Variants in LIMCH1 observed in about 807,000 individuals in gnomAD.
LIMCH1 encodes the protein LIM and calponin homology domains-containing protein 1.
In LIMCH1, 113 loss-of-function variants were observed where a neutral mutation model predicts 176.5. The ratio of observed to expected loss-of-function variants is 0.64; its 90% CI spans 0.55 to 0.75. LIMCH1 has a LOEUF of 0.75. LIMCH1 is among the 30% of genes least tolerant of loss of function. The probability of loss-of-function intolerance (pLI) is 0.00; values close to 1 mark genes in which losing one functional copy is unlikely to be tolerated. For synonymous variants in LIMCH1, 619 were observed against 645.9 expected, an observed-to-expected ratio of 0.96 and a Z score of 0.63; for missense variants, 1,674 against 1,814.9, an observed-to-expected ratio of 0.92 and a Z score of 1.41.
intron 31 of LIMCH1, chr4:41,693,201 A>T (rs889879964): frequency 4.6e-5 from 7 of 152,236 alleles, no homozygotes; most frequent in African/African-American, 1.7e-4. Context: ...TTCATCAGTC[A>T]GAAACTCTTT....
At chr4:41,418,537 C>T (rs941305303) in intron 1 of LIMCH1, among the ~76,000 whole-genome samples, 13 of 152,320 alleles carry the variant, frequency 8.5e-5, no homozygotes, top group African/African-American at 2.4e-4. Flanking sequence ...AGAGCTGTGC[C>T]GAGAGAAGCA....
intron 1 of LIMCH1, among the ~76,000 whole-genome samples, chr4:41,570,639 A>T (rs73146355): frequency 0.059 from 8,956 of 152,264 alleles, 854 homozygotes; most frequent in African/African-American, 0.2. Context: ...TGCTCCGAAC[A>T]TTTTGTGGCA....
At chr4:41,651,112 T>C (rs1433134570) in intron 18 of LIMCH1, among the ~76,000 whole-genome samples, 1 of 151,938 alleles carries the variant, frequency 6.6e-6, no homozygotes. Flanking sequence ...CTTCAAGCAA[T>C]TCTCCTGCCT....
At chr4:41,432,065 C>A (rs963988740) in intron 1 of LIMCH1, among the ~76,000 whole-genome samples, 5 of 152,116 alleles carry the variant, frequency 3.3e-5, no homozygotes. Context: ...AATAATTTGT[C>A]CAAGGCAGTA....
At chr4:41,690,607 G>C (rs1257007209) in intron 30 of LIMCH1, among the ~76,000 whole-genome samples, 5 of 151,948 alleles carry the variant, frequency 3.3e-5, no homozygotes, top group Non-Finnish European at 7.4e-5. Flanking sequence ...TTTATTTCTT[G>C]TTGGTAGTTT....
At chr4:41,682,674 T>C (rs1230520606) in intron 26 of LIMCH1, among the ~76,000 whole-genome samples, 1 of 137,278 alleles carries the variant, frequency 7.3e-6, no homozygotes. Context: ...TTTTTCTTCT[T>C]CTTCTTTTTT....
In LIMCH1 at chr4:41,633,643, G is replaced by A. The variant is rs770608444; in HGVS notation, c.1925G>A (p.Gly642Asp). ...APAWSGSGLKGQRKLDDSRKD... is the reference protein window; with the variant it reads ...APAWSGSGLKDQRKLDDSRKD... ...GCCTGGAGTGGCAGTGGACTGAAAGGCCAGCGAAAGTTGGATGATTCACGA... is the reference window on the plus strand; with the variant it reads ...GCCTGGAGTGGCAGTGGACTGAAAGACCAGCGAAAGTTGGATGATTCACGA... Residue 642 changes from glycine (G) to aspartate (D), a missense_variant, in exon 13 of 32, where the codon GGC becomes GAC. Transcript: ENST00000503057. 4.1e-5 allele frequency: 63 copies of A among 1,536,054 alleles called. 1 individual carries two copies. The South Asian group carries it at 6.9e-4, about 17-fold the overall frequency.
chr4:41,597,731 C>G (rs1444982072), intron 1 of LIMCH1, among the ~76,000 whole-genome samples: 2 of 152,102 alleles, frequency 1.3e-5, no homozygotes, highest in African/African-American at 2.4e-5. Context: ...TAGGTCAGGC[C>G]CAATCAGATA....
intron 1 of LIMCH1, among the ~76,000 whole-genome samples, chr4:41,596,520 GT>G (rs2088849614): frequency 6.6e-6 from 1 of 152,154 alleles, no homozygotes; most frequent in Admixed American, 6.5e-5. Context: ...CAAAATAAGT[GT>G]TTTGGAAAGA....
Position 41,620,524 on chromosome 4 carries a change from G to A in LIMCH1, c.559G>A (p.Gly187Arg), listed in dbSNP as rs2092485118. 2.0e-6 allele frequency: 3 copies of A among 1,536,438 alleles called. No individual in the cohort carries two copies. The highest frequency in any genetic ancestry group is 1.2e-5 in the South Asian group (1 of 84,058). Residue 187 changes from glycine (G) to arginine (R), a missense_variant, in exon 7 of 32, where the codon GGG becomes AGG. Transcript: ENST00000503057. ...TCCTGGTTGGAAGCCTTCCGATGGT[G>A]GGTGTGAATTACCTGACGGCAGTGG... Reference protein sequence around the residue: ...MNPGWKPSDGGCELPDGSGKE... With the variant: ...MNPGWKPSDGRCELPDGSGKE...
intron 3 of LIMCH1, among the ~76,000 whole-genome samples, chr4:41,532,593 A>G (rs185939665): frequency 2.0e-5 from 3 of 152,350 alleles, no homozygotes; most frequent in Admixed American, 2.0e-4. Flanking sequence ...GGCAAGAGCC[A>G]TTCTCCACTG....
chr4:41,563,585 T>C (rs1226710823), intron 1 of LIMCH1, among the ~76,000 whole-genome samples: 2 of 152,186 alleles, frequency 1.3e-5, no homozygotes, highest in Non-Finnish European at 2.9e-5. Flanking sequence ...TTGTCCTGAA[T>C]TTGTAGTTTA....
intron 1 of LIMCH1, among the ~76,000 whole-genome samples, chr4:41,487,111 G>A (rs1397541359): frequency 1.3e-5 from 2 of 151,782 alleles, no homozygotes; most frequent in African/African-American, 2.4e-5. Context: ...CACCCGCCTC[G>A]GACTCCCAAA....
At position 41,598,913 on chromosome 4, in the gene LIMCH1, CT is replaced by C; in HGVS notation, c.-240-5del. The C allele has an allele frequency of 6.4e-7, 1 of 1,552,086 alleles. No individual in the cohort carries two copies. The highest frequency in any genetic ancestry group is 8.9e-7 in the Non-Finnish European group (1 of 1,129,432). On this transcript the variant is annotated splice_polypyrimidine_tract_variant and splice_region_variant and intron_variant, in intron 1 of 31. Transcript: ENST00000503057. ...ATATAGACTTATATTTCTTTTTTTC[CT>C]TCTAGGACAATATTATCTTATTCTT...
At chr4:41,578,205 C>T (rs1027778692) in intron 1 of LIMCH1, among the ~76,000 whole-genome samples, 1 of 152,020 alleles carries the variant, frequency 6.6e-6, no homozygotes, top group South Asian at 2.1e-4. Flanking sequence ...ACAATCATGG[C>T]GTAGAATGAA....
chr4:41,638,995 C>T (rs1476110684), intron 14 of LIMCH1, 28 bp downstream of exon 14: 1 of 1,538,920 alleles, frequency 6.5e-7, no homozygotes, highest in South Asian at 1.2e-5. Flanking sequence ...TGTAGGATTA[C>T]ATTAATTACT....
rs1024813387 is a variant in LIMCH1 at position 41,699,508 on chromosome 4, T to C, written c.*2323T>C. On this transcript the variant is annotated 3_prime_UTR_variant, in exon 32 of 32. Transcript: ENST00000503057. ...CAGCTTAGGCAGACTAGATCTTGTT[T>C]TTTCCAATGCAGCATAATGAGTATG... 14 of 152,170 alleles carry C rather than the reference T, an allele frequency of 9.2e-5. No individual in the cohort carries two copies. The highest frequency in any genetic ancestry group is 2.0e-4 in the Admixed American group (3 of 15,274). 9.4% of individuals were successfully genotyped at this position (152,170 alleles called of 1,614,324 possible). A position where few individuals can be genotyped will look rare whatever the true frequency, so the allele number is the denominator to read the frequency against.
At chr4:41,553,315 T>C (rs1221506049) in intron 1 of LIMCH1, among the ~76,000 whole-genome samples, 1 of 152,218 alleles carries the variant, frequency 6.6e-6, no homozygotes, top group African/African-American at 2.4e-5. Context: ...AAGATGGATA[T>C]ATTCACAAAG....
At chr4:41,680,120 A>G in intron 24 of LIMCH1, 22 bp downstream of exon 24, 10 of 1,523,026 alleles carry the variant, frequency 6.6e-6, no homozygotes, top group Non-Finnish European at 9.0e-6. Flanking sequence ...CCAAGAAGGA[A>G]TTTGACCTTG....
Sources: gnomAD v4.1 joint callset for allele counts (sites outside exome capture counted in the v4.1 genomes callset) on GRCh38, gnomAD v4.1.1 for gene constraint, MANE v1.5 for transcripts, NCBI Gene and HGNC (gene_info 2026-07-23, HGNC 2026-07-21) for gene names.